Variants in CTTN observed in about 807,000 individuals in gnomAD.
CTTN encodes src substrate cortactin.
CTTN carries 28 observed loss-of-function variants against 84.0 expected under a neutral mutation model. The observed-to-expected ratio is 0.33, with a 90% CI of 0.25 to 0.46. The LOEUF (loss-of-function observed/expected upper bound fraction) is 0.46, where lower values mean the gene tolerates loss of function less well. Among genes scored for constraint, CTTN ranks in the 20% least tolerant of loss-of-function variants. The pLI, the probability that CTTN is intolerant of heterozygous loss-of-function variation, is 1.00. For synonymous variants in CTTN, 301 were observed against 288.8 expected, an observed-to-expected ratio of 1.04 and a Z score of -0.43; for missense variants, 641 against 723.8, an observed-to-expected ratio of 0.89 and a Z score of 1.31.
chr11:70,424,031 G>A (rs1376689063), intron 12 of CTTN, among the ~76,000 whole-genome samples: 1 of 152,170 alleles, frequency 6.6e-6, no homozygotes, highest in Non-Finnish European at 1.5e-5. Flanking sequence ...TGGATGTGGG[G>A]TGGACGTGGG....
chr11:70,425,986 T>A (rs1186029861), intron 13 of CTTN, among the ~76,000 whole-genome samples: 2 of 152,208 alleles, frequency 1.3e-5, no homozygotes, highest in African/African-American at 4.8e-5. Flanking sequence ...GAGCCACCAC[T>A]GACTTCCTTC....
intron 15 of CTTN, among the ~76,000 whole-genome samples, chr11:70,432,662 C>T (rs1050954658): frequency 2.0e-5 from 3 of 152,228 alleles, no homozygotes; most frequent in African/African-American, 7.2e-5. Context: ...GTGGTGAAGC[C>T]GCTGTCAGGC....
intron 6 of CTTN, 89 bp downstream of exon 6, chr11:70,414,741 C>A: frequency 1.1e-6 from 1 of 893,594 alleles, no homozygotes; most frequent in Non-Finnish European, 1.8e-6. Flanking sequence ...CTTGTAGTAG[C>A]AGGCAGGTGC....
At chr11:70,418,540 G>A (rs2058190600) in intron 8 of CTTN, among the ~76,000 whole-genome samples, 1 of 152,180 alleles carries the variant, frequency 6.6e-6, no homozygotes, top group African/African-American at 2.4e-5. Flanking sequence ...TCATGTTTTG[G>A]TGTCACAGTG....
rs939560580 is a variant in CTTN, at chr11:70,417,143, C to G, written c.568+20C>G. ...AGAGAGGTGGGGCGGACCCCACGGT[C>G]TGTAATCACGCGTTTGCTCCAGAAA... On this transcript the variant is annotated intron_variant, in intron 8 of 17. Coordinates refer to ENST00000301843, the MANE Select transcript of CTTN (RefSeq NM_005231.4). 1 of 1,583,710 alleles carries G rather than the reference C, an allele frequency of 6.3e-7. No homozygotes were observed. Among genetic ancestry groups the G allele is most frequent in the East Asian group, 2.2e-5 (1 of 44,738 alleles).
chr11:70,421,627 G>A (rs758347539), intron 11 of CTTN, 47 bp downstream of exon 11: 9 of 1,360,364 alleles, frequency 6.6e-6, no homozygotes, highest in East Asian at 2.3e-5. Flanking sequence ...CCTCCTGTGC[G>A]GCCACTTCTA....
rs539723006 is a variant in CTTN, at chr11:70,414,466, C to A, written c.292-76C>A. Reference sequence around the variant, plus strand: ...GCACTGACCAGGATGTGGCCTCCCCCAGCCCTGCTCTGGGAGGAAGTGAAG... The same window carrying A: ...GCACTGACCAGGATGTGGCCTCCCCAAGCCCTGCTCTGGGAGGAAGTGAAG... On this transcript the variant is annotated intron_variant, in intron 5 of 17. Transcript: ENST00000301843. 7.3e-6 allele frequency: 8 copies of A among 1,092,482 alleles called. No homozygotes were observed. The East Asian group carries it at 9.5e-5, about 13-fold the overall frequency. 67.7% of individuals were successfully genotyped at this position (1,092,482 alleles called of 1,614,324 possible). A position where few individuals can be genotyped will look rare whatever the true frequency, so the allele number is the denominator to read the frequency against.
chr11:70,423,779 A>G (rs1565496585), intron 12 of CTTN, among the ~76,000 whole-genome samples: 2 of 152,202 alleles, frequency 1.3e-5, no homozygotes, highest in African/African-American at 2.4e-5. Flanking sequence ...AGCATTCTGC[A>G]TGTCGTGACA....
intron 1 of CTTN, among the ~76,000 whole-genome samples, chr11:70,404,433 G>A (rs1172562087): frequency 2.6e-5 from 4 of 152,124 alleles, no homozygotes; most frequent in South Asian, 2.1e-4. Context: ...AACCGTGTAC[G>A]TTCATTAGGA....
At chr11:70,403,519 CA>C (rs947109957) in intron 1 of CTTN, among the ~76,000 whole-genome samples, 30 of 152,206 alleles carry the variant, frequency 2.0e-4, no homozygotes, top group African/African-American at 7.0e-4. Flanking sequence ...ATCTACAGTT[CA>C]AAATACTTTT....
intron 4 of CTTN, among the ~76,000 whole-genome samples, chr11:70,409,176 G>A (rs774172990): frequency 2.6e-5 from 4 of 152,036 alleles, no homozygotes; most frequent in Non-Finnish European, 4.4e-5. Context: ...CAAAGGTGGC[G>A]TCCTGGTGTC....
intron 12 of CTTN, among the ~76,000 whole-genome samples, chr11:70,423,467 C>T (rs757905141): frequency 6.6e-6 from 1 of 152,236 alleles, no homozygotes; most frequent in Non-Finnish European, 1.5e-5. Flanking sequence ...TGCTCCTGCG[C>T]GTGGCCTGTG....
chr11:70,416,047 A>C (rs1312432065), intron 7 of CTTN: 1 of 310,852 alleles, frequency 3.2e-6, no homozygotes, highest in Admixed American at 4.6e-5. Context: ...TGGAAAAGAG[A>C]GCTCACAGAT....
intron 1 of CTTN, among the ~76,000 whole-genome samples, chr11:70,401,660 A>AT (rs1226382487): frequency 1.3e-5 from 2 of 151,334 alleles, no homozygotes; most frequent in East Asian, 3.9e-4. Flanking sequence ...ACAAAAAAAA[A>AT]CAAAAAAAAA....
intron 15 of CTTN, 23 bp from the exon 16 acceptor site, chr11:70,433,078 A>G (rs748817317): frequency 6.2e-7 from 1 of 1,609,614 alleles, no homozygotes; most frequent in South Asian, 1.1e-5. Context: ...GCCCCGTGCC[A>G]TGTGCGTGTG....
At chr11:70,422,473 G>A in intron 11 of CTTN, 1 of 1,280,586 alleles carries the variant, frequency 7.8e-7, no homozygotes, top group Non-Finnish European at 1.0e-6. Context: ...TTGGCTGGTA[G>A]AATTTCCACA....
Position 70,429,073 on chromosome 11 carries a change from C to G in CTTN, c.1050C>G (p.Ile350Met). Residue 350 changes from isoleucine (I) to methionine (M), a missense_variant, in exon 14 of 18, where the codon ATC becomes ATG. By Grantham distance (10) the Ile-to-Met change is conservative. Coordinates refer to ENST00000301843, the MANE Select transcript of CTTN (RefSeq NM_005231.4). ...TAGTGACCAGCAAAACAAGTAACAT[C>G]AGAGCTAACTTTGAAAACCTCGCTA... ...VEAVTSKTSN[I>M]RANFENLAKE... The G allele has an allele frequency of 6.2e-7, 1 of 1,614,206 alleles. No individual in the cohort carries two copies. Among genetic ancestry groups the G allele is most frequent in the Admixed American group, 1.7e-5 (1 of 60,028 alleles).
chr11:70,400,084 A>G (rs1409476836), intron 1 of CTTN, among the ~76,000 whole-genome samples: 1 of 152,238 alleles, frequency 6.6e-6, no homozygotes, highest in Non-Finnish European at 1.5e-5. Flanking sequence ...GTGGGACTCA[A>G]TAAAAAGTTG....
chr11:70,413,381 C>T (rs2058117567), intron 5 of CTTN, among the ~76,000 whole-genome samples: 1 of 152,224 alleles, frequency 6.6e-6, no homozygotes, highest in South Asian at 2.1e-4. Flanking sequence ...GAGGGAGCCT[C>T]AGAACCCTGG....
Sources: allele counts gnomAD v4.1 joint callset (sites outside exome capture counted in the v4.1 genomes callset), GRCh38; gene constraint gnomAD v4.1.1; transcripts MANE v1.5; gene names NCBI Gene and HGNC (gene_info 2026-07-23, HGNC 2026-07-21).